Variants in PARVA observed in about 807,000 individuals in gnomAD.
The protein encoded by PARVA is parvin alpha, also known as alpha-parvin.
A neutral mutation model predicts 52.6 loss-of-function variants in PARVA; 25 were observed. The ratio of observed to expected loss-of-function variants is 0.48; its 90% CI spans 0.35 to 0.66. The LOEUF is 0.66. PARVA is among the 30% of genes least tolerant of loss of function. The probability of loss-of-function intolerance (pLI) is 0.01; values close to 1 mark genes in which losing one functional copy is unlikely to be tolerated. For missense variants in PARVA, 373 were observed against 450.9 expected (o/e 0.83, Z 1.56); for synonymous variants, 185 against 179.1 (o/e 1.03, Z -0.26).
chr11:12,393,380 T>C (rs371612177), intron 1 of PARVA, among the ~76,000 whole-genome samples: 9 of 152,278 alleles, frequency 5.9e-5, no homozygotes, highest in African/African-American at 2.2e-4. Flanking sequence ...TCAAGACTAG[T>C]GTACTAGTTA....
chr11:12,426,239 T>C (rs1940233490), intron 1 of PARVA, among the ~76,000 whole-genome samples: 1 of 152,212 alleles, frequency 6.6e-6, no homozygotes, highest in African/African-American at 2.4e-5. Flanking sequence ...AAGTGACATT[T>C]AAGCTGAGAG....
At chr11:12,424,387 G>C (rs1042370958) in intron 1 of PARVA, among the ~76,000 whole-genome samples, 10 of 151,826 alleles carry the variant, frequency 6.6e-5, no homozygotes, top group African/African-American at 2.4e-4. Flanking sequence ...CCTCCAACAT[G>C]AGTACTGAGA....
chr11:12,393,271 T>C (rs1939688406), intron 1 of PARVA, among the ~76,000 whole-genome samples: 1 of 152,138 alleles, frequency 6.6e-6, no homozygotes, highest in South Asian at 2.1e-4. Flanking sequence ...ATATTTGGTC[T>C]TCCTAACAAC....
chr11:12,403,891 A>T (rs1215760098), intron 1 of PARVA, among the ~76,000 whole-genome samples: 1 of 152,206 alleles, frequency 6.6e-6, no homozygotes, highest in Non-Finnish European at 1.5e-5. Context: ...GCTCTCAGAG[A>T]GAACTGTGAT....
chr11:12,523,242 G>A (rs1941661026), intron 12 of PARVA, among the ~76,000 whole-genome samples: 1 of 152,158 alleles, frequency 6.6e-6, no homozygotes, highest in Admixed American at 6.5e-5. Context: ...ATAGAGAGCA[G>A]GTAGAGATGC....
At chr11:12,490,170 C>T (rs543012886) in intron 4 of PARVA, among the ~76,000 whole-genome samples, 9 of 142,282 alleles carry the variant, frequency 6.3e-5, no homozygotes, top group African/African-American at 1.6e-4. Context: ...GAGCCGAGAT[C>T]GTGCCACTGC....
Position 12,532,856 on chromosome 11 carries a change from A to G in PARVA, c.*4931A>G, listed in dbSNP as rs1222119771. ...CAGAATGAGGGAGAAGACGGATCCG[A>G]TCGCAGGCATCGGGAGTGCTGATTT... On this transcript the variant is annotated 3_prime_UTR_variant, in exon 13 of 13. Transcript: ENST00000334956. Among the ~76,000 whole-genome samples, 1 of 152,208 alleles carries G rather than the reference A, an allele frequency of 6.6e-6. No individual in the cohort carries two copies. The highest frequency in any genetic ancestry group is 1.5e-5 in the Non-Finnish European group (1 of 68,040).
At chr11:12,513,106 C>T (rs532711573) in intron 8 of PARVA, 193 bp from the exon 9 acceptor site, 7 of 699,202 alleles carry the variant, frequency 1.0e-5, no homozygotes, top group East Asian at 8.1e-5. Context: ...GACACAGGCT[C>T]CCAGGGTGAG....
chr11:12,518,548 C>G, intron 12 of PARVA, 31 bp downstream of exon 12: 1 of 1,495,262 alleles, frequency 6.7e-7, no homozygotes, highest in Non-Finnish European at 9.3e-7. Context: ...TTTGTGACAA[C>G]AGAGTGAGAC....
At chr11:12,433,821 C>T (rs540459223) in intron 1 of PARVA, among the ~76,000 whole-genome samples, 1 of 152,314 alleles carries the variant, frequency 6.6e-6, no homozygotes, top group East Asian at 1.9e-4. Context: ...TGGTCTTTAA[C>T]AGTAACATGG....
At chr11:12,497,623 C>T (rs1198491569) in intron 5 of PARVA, among the ~76,000 whole-genome samples, 3 of 152,132 alleles carry the variant, frequency 2.0e-5, no homozygotes, top group Non-Finnish European at 2.9e-5. Flanking sequence ...CTTTGCACAG[C>T]AGTGACGCTG....
intron 1 of PARVA, among the ~76,000 whole-genome samples, chr11:12,438,590 G>C (rs1158604546): frequency 6.6e-6 from 1 of 152,110 alleles, no homozygotes; most frequent in African/African-American, 2.4e-5. Context: ...CATGAGTTTT[G>C]AAGGGGACAT....
At chr11:12,393,165 G>A (rs61875435) in intron 1 of PARVA, among the ~76,000 whole-genome samples, 33,641 of 151,398 alleles carry the variant, frequency 0.22, 4,592 homozygotes, top group African/African-American at 0.38. Flanking sequence ...TAATACTACT[G>A]TTAATAACAA....
Position 12,468,653 on chromosome 11 carries a change from G to T in PARVA, c.137-5092G>T, listed in dbSNP as rs993888731. Among the ~76,000 whole-genome samples the T allele has an allele frequency of 4.6e-5, 7 of 152,178 alleles. No homozygotes were observed. In the East Asian group the frequency reaches 1.3e-3, roughly 29 times the overall value. On this transcript the variant is annotated intron_variant, in intron 1 of 12. Coordinates refer to ENST00000334956, the MANE Select transcript of PARVA (RefSeq NM_018222.5). ...GTATCTCCTATAACAAGACATATGA[G>T]CTTGAGTGGTTCCAGGGGTTGTGGC...
intron 12 of PARVA, among the ~76,000 whole-genome samples, chr11:12,524,814 C>T (rs1411223502): frequency 6.6e-6 from 1 of 152,202 alleles, no homozygotes; most frequent in African/African-American, 2.4e-5. Flanking sequence ...GTTCAAGGAA[C>T]CTACAGTCCA....
At chr11:12,493,329 T>G (rs1371167329) in intron 4 of PARVA, among the ~76,000 whole-genome samples, 4 of 145,040 alleles carry the variant, frequency 2.8e-5, no homozygotes, top group Middle Eastern at 3.4e-3. Flanking sequence ...GCACTCCAGC[T>G]TGGGCAACAT....
intron 1 of PARVA, among the ~76,000 whole-genome samples, chr11:12,401,791 A>G (rs56213901): frequency 0.14 from 22,002 of 152,172 alleles, 3,485 homozygotes; most frequent in African/African-American, 0.4. Flanking sequence ...AGACAGCCTA[A>G]TATGTTAGGA....
intron 7 of PARVA, among the ~76,000 whole-genome samples, chr11:12,510,602 C>T (rs950224118): frequency 3.3e-5 from 5 of 152,222 alleles, no homozygotes; most frequent in Admixed American, 6.5e-5. Context: ...ACTGGACTTA[C>T]AGTTCCACAT....
chr11:12,438,074 C>G (rs1209246099), intron 1 of PARVA, among the ~76,000 whole-genome samples: 2 of 152,020 alleles, frequency 1.3e-5, no homozygotes, highest in Non-Finnish European at 2.9e-5. Flanking sequence ...TCCTGGCTAA[C>G]ACGGTGCAAC....
Sources: gnomAD v4.1 joint callset for allele counts (sites outside exome capture counted in the v4.1 genomes callset) on GRCh38, gnomAD v4.1.1 for gene constraint, MANE v1.5 for transcripts, NCBI Gene and HGNC (gene_info 2026-07-23, HGNC 2026-07-21) for gene names.